STK3: variants seen among roughly 807,000 people sequenced by gnomAD.
The protein encoded by STK3 is serine/threonine kinase 3.
STK3 carries 41 observed loss-of-function variants against 58.0 expected under a neutral mutation model. The ratio of observed to expected loss-of-function variants is 0.71; its 90% CI spans 0.55 to 0.92. The LOEUF is 0.92. STK3 is among the 40% of genes least tolerant of loss of function. STK3 has a pLI of 0.00. For missense variants in STK3, 479 were observed against 602.7 expected (o/e 0.79, Z 2.15); for synonymous variants, 170 against 191.0 (o/e 0.89, Z 0.91).
chr8:98,883,521 A>G (rs947877465), downstream of STK3: 23 of 585,572 alleles, frequency 3.9e-5, 1 homozygote, highest in South Asian at 4.8e-4. Flanking sequence ...TTTGTTTCCA[A>G]GTAACACATC....
chr8:98,702,060 C>T (rs746702233), intron 6 of STK3, among the ~76,000 whole-genome samples: 29 of 152,200 alleles, frequency 1.9e-4, no homozygotes, highest in Non-Finnish European at 3.2e-4. Context: ...TTACTGTCTA[C>T]CACAGTGAAG....
intron 6 of STK3, among the ~76,000 whole-genome samples, chr8:98,629,781 C>A (rs1390766277): frequency 6.6e-6 from 1 of 152,276 alleles, no homozygotes; most frequent in Admixed American, 6.5e-5. Flanking sequence ...ACTGCCCCTC[C>A]CAAGGCTAGC....
At position 98,756,745 on chromosome 8, in the gene STK3, C is replaced by A. The variant is rs183267399; in HGVS notation, c.237-7355G>T. ...CTGCCCCTCTCAGGGTAAGCTAATT[C>A]CTAGAGACAGCAAACTAACTCCCAT... On this transcript the variant is annotated intron_variant, in intron 3 of 10. Transcript: ENST00000419617. Among the ~76,000 whole-genome samples the A allele has an allele frequency of 6.6e-5, 10 of 152,260 alleles. No homozygotes were observed. The East Asian group carries it at 1.7e-3, about 26-fold the overall frequency.
rs548149208 is a variant in STK3, at chr8:98,427,569, G to C, written n.483+6558C>G. On this transcript the variant is annotated intron_variant and non_coding_transcript_variant, in intron 3 of 3. Coordinates refer to the STK3 transcript ENST00000517832. ...ACCAAAGCTACGCGCCCCCCGTGTCGGCCCGGCCCTGCCCGTGCGTATCTC... is the reference window on the plus strand; with the variant it reads ...ACCAAAGCTACGCGCCCCCCGTGTCCGCCCGGCCCTGCCCGTGCGTATCTC... The C allele has an allele frequency of 4.5e-5, 6 of 134,184 alleles. No homozygotes were observed. In the East Asian group the frequency reaches 1.3e-3, roughly 29 times the overall value. 8.3% of individuals were successfully genotyped at this position (134,184 alleles called of 1,614,324 possible). A position where few individuals can be genotyped will look rare whatever the true frequency, so the allele number is the denominator to read the frequency against.
intron 8 of STK3, among the ~76,000 whole-genome samples, chr8:98,555,874 G>T (rs1219814565): frequency 6.6e-6 from 1 of 151,962 alleles, no homozygotes; most frequent in African/African-American, 2.4e-5. Context: ...TTCTTTAGAG[G>T]CATGTGATGA....
chr8:98,713,923 T>C (rs966167766), intron 4 of STK3, among the ~76,000 whole-genome samples: 1 of 152,184 alleles, frequency 6.6e-6, no homozygotes, highest in African/African-American at 2.4e-5. Flanking sequence ...ATCAAAAAGC[T>C]TATCCACCAT....
chr8:98,594,220 T>C (rs1361745920), intron 7 of STK3, among the ~76,000 whole-genome samples: 1 of 151,976 alleles, frequency 6.6e-6, no homozygotes, highest in Non-Finnish European at 1.5e-5. Context: ...GGTGGGAGGA[T>C]AGGTGGAGCC....
chr8:98,431,210 G>A lies in STK3; in HGVS notation n.483+2917C>T, dbSNP rs1396190824. ...CAGAAGGCTTTGTGTTCTTGTAGTT[G>A]TCATGGCTACTACAGTGTGGGTGAT... On this transcript the variant is annotated intron_variant and non_coding_transcript_variant, in intron 3 of 3. Coordinates refer to the STK3 transcript ENST00000517832. 1.8e-5 allele frequency: 3 copies of A among 167,222 alleles called. No homozygotes were observed. The East Asian group carries it at 5.8e-4, about 32-fold the overall frequency. The allele number at this position is 167,222 out of a possible 1,614,324, so 10.4% of individuals were successfully genotyped here.
At chr8:98,345,405 C>T in the STK3 span, among the ~76,000 whole-genome samples, 4 of 152,036 alleles carry the variant, frequency 2.6e-5, no homozygotes, top group Non-Finnish European at 1.5e-5. Context: ...GTAGGAGTCA[C>T]ACTTTTTACT....
chr8:98,373,187 T>C lies in STK3; in HGVS notation n.112-1509A>G, dbSNP rs77828201. On this transcript the variant is annotated intron_variant and non_coding_transcript_variant, in intron 2 of 2. Transcript: ENST00000518704. ...TGGCAGTTATTATTCTTGCTTTTTT[T>C]GTGATTGCTGTTTATGAGTTTCTGT... 5.3e-4 allele frequency among the ~76,000 whole-genome samples: 81 copies of C among 152,302 alleles called. 1 individual carries two copies. The East Asian group carries it at 0.012, about 22-fold the overall frequency.
intron 1 of STK3, among the ~76,000 whole-genome samples, chr8:98,900,116 G>A (rs568671409): frequency 2.0e-5 from 3 of 151,892 alleles, no homozygotes; most frequent in African/African-American, 4.8e-5. Context: ...TCCCTCTGTC[G>A]CCCAGGCTGG....
intron 10 of STK3, among the ~76,000 whole-genome samples, chr8:98,477,709 G>T (rs1243709066): frequency 1.3e-5 from 1 of 79,466 alleles, no homozygotes; most frequent in African/African-American, 4.5e-5. Context: ...TGGCGGGGGG[G>T]GGGGGGGTGG....
intron 1 of STK3, among the ~76,000 whole-genome samples, chr8:98,823,562 A>C (rs1039178074): frequency 4.6e-5 from 7 of 152,238 alleles, no homozygotes; most frequent in African/African-American, 1.7e-4. Flanking sequence ...TCATATAATA[A>C]GGAAAACATA....
intron 6 of STK3, among the ~76,000 whole-genome samples, chr8:98,650,445 G>A (rs1820793255): frequency 6.6e-6 from 1 of 152,234 alleles, no homozygotes; most frequent in Admixed American, 6.5e-5. Flanking sequence ...ATTTCCATCT[G>A]AGGTACCGGG....
At chr8:98,843,788 G>T (rs956960498) in intron 3 of STK3, among the ~76,000 whole-genome samples, 1 of 152,204 alleles carries the variant, frequency 6.6e-6, no homozygotes, top group African/African-American at 2.4e-5. Flanking sequence ...AGGCTGAGGC[G>T]GGTGGATCAC....
intron 3 of STK3, among the ~76,000 whole-genome samples, chr8:98,757,410 A>G (rs928107015): frequency 6.7e-6 from 1 of 150,076 alleles, no homozygotes; most frequent in South Asian, 2.1e-4. Context: ...CCTGACCAAC[A>G]TGGTGAAACC....
At chr8:98,527,835 C>T (rs1320109638) in intron 9 of STK3, among the ~76,000 whole-genome samples, 3 of 152,178 alleles carry the variant, frequency 2.0e-5, no homozygotes, top group Non-Finnish European at 4.4e-5. Flanking sequence ...AGTTCCATAA[C>T]TAACTTTGCT....
intron 1 of STK3, among the ~76,000 whole-genome samples, chr8:98,823,276 G>A (rs905372572): frequency 3.9e-5 from 6 of 152,108 alleles, no homozygotes; most frequent in African/African-American, 1.2e-4. Flanking sequence ...GAACATCAAC[G>A]ACATCGATAA....
At chr8:98,440,954 T>C (rs1411290350) in intron 1 of STK3, among the ~76,000 whole-genome samples, 1 of 152,186 alleles carries the variant, frequency 6.6e-6, no homozygotes, top group African/African-American at 2.4e-5. Context: ...CCGTTGCCTT[T>C]TTCAGGAGTC....
Sources: gnomAD v4.1 joint callset for allele counts (sites outside exome capture counted in the v4.1 genomes callset) on GRCh38, gnomAD v4.1.1 for gene constraint, MANE v1.5 for transcripts, NCBI Gene and HGNC (gene_info 2026-07-23, HGNC 2026-07-21) for gene names.